Variants in ITGBL1 observed in about 807,000 individuals in gnomAD.
ITGBL1 encodes the protein integrin beta-like protein 1.
A neutral mutation model predicts 68.5 loss-of-function variants in ITGBL1; 51 were observed. The ratio of observed to expected loss-of-function variants is 0.74; its 90% CI spans 0.59 to 0.94. The LOEUF (loss-of-function observed/expected upper bound fraction) is 0.94. Among genes scored for constraint, ITGBL1 ranks in the 40% least tolerant of loss-of-function variants. The pLI, the probability that ITGBL1 is intolerant of heterozygous loss-of-function variation, is 0.00. For missense variants in ITGBL1, 649 were observed against 647.4 expected, an observed-to-expected ratio of 1.00 and a Z score of -0.03; for synonymous variants, 209 against 227.3, an observed-to-expected ratio of 0.92 and a Z score of 0.72.
rs565637547 is a variant in ITGBL1, at chr13:101,495,594, G to T, written c.316+41494G>T. 7.4e-4 allele frequency among the ~76,000 whole-genome samples: 110 copies of T among 148,610 alleles called. 1 individual carries two copies. Among genetic ancestry groups the T allele is most frequent in the South Asian group, 1.9e-3 (9 of 4,692 alleles). On this transcript the variant is annotated intron_variant, in intron 2 of 10. Coordinates refer to ENST00000376180, the MANE Select transcript of ITGBL1 (RefSeq NM_004791.3). The stretch of plus-strand genomic sequence containing the variant: ...CTGGGTCCCCACACTTTTTTTTTTT[G>T]TACAAAGAGGTAACTAGCAAAAGGG...
At position 101,677,944 on chromosome 13, in the gene ITGBL1, G is replaced by T. The variant is rs562806387; in HGVS notation, c.1016-14641G>T. On this transcript the variant is annotated intron_variant, in intron 7 of 10. Coordinates refer to ENST00000376180, the MANE Select transcript of ITGBL1 (RefSeq NM_004791.3). ...TGCTAAAAACTGTTTTCCAAAATTG[G>T]ATATAAAATGTGTGAGTAGGTGTAT... 2.0e-5 allele frequency among the ~76,000 whole-genome samples: 3 copies of T among 152,242 alleles called. No individual in the cohort carries two copies. The South Asian group carries it at 6.2e-4, about 32-fold the overall frequency.
intron 2 of ITGBL1, among the ~76,000 whole-genome samples, chr13:101,487,633 TAC>T (rs1002357942): frequency 1.3e-5 from 2 of 152,230 alleles, no homozygotes; most frequent in Non-Finnish European, 2.9e-5. Flanking sequence ...GTTTCTGCAA[TAC>T]AGTTTCCTAA....
intron 2 of ITGBL1, among the ~76,000 whole-genome samples, chr13:101,521,751 CA>C (rs1280377173): frequency 5.3e-5 from 8 of 152,176 alleles, no homozygotes; most frequent in Non-Finnish European, 1.2e-4. Flanking sequence ...TATCCATTTA[CA>C]ATCCGCACAA....
chr13:101,533,495 T>C (rs1258935269), intron 2 of ITGBL1, among the ~76,000 whole-genome samples: 1 of 152,254 alleles, frequency 6.6e-6, no homozygotes, highest in Non-Finnish European at 1.5e-5. Context: ...TTTCCACAAA[T>C]GCACTTGATG....
intron 7 of ITGBL1, among the ~76,000 whole-genome samples, chr13:101,616,999 G>C (rs895694529): frequency 1.1e-4 from 17 of 152,118 alleles, no homozygotes; most frequent in African/African-American, 4.1e-4. Flanking sequence ...TTGTGCAGAA[G>C]GAGTCCATAG....
chr13:101,545,136 G>T (rs1287869326), intron 2 of ITGBL1, among the ~76,000 whole-genome samples: 1 of 152,210 alleles, frequency 6.6e-6, no homozygotes, highest in Non-Finnish European at 1.5e-5. Context: ...CCCATCTTCT[G>T]CGTCGCTCAC....
chr13:101,660,431 G>A (rs1330242533), intron 7 of ITGBL1, among the ~76,000 whole-genome samples: 1 of 152,116 alleles, frequency 6.6e-6, no homozygotes, highest in East Asian at 1.9e-4. Context: ...GCAAAATCCT[G>A]AAAAGACATC....
intron 2 of ITGBL1, among the ~76,000 whole-genome samples, chr13:101,520,907 A>G (rs2049274137): frequency 6.6e-6 from 1 of 152,188 alleles, no homozygotes; most frequent in African/African-American, 2.4e-5. Context: ...AGTGGTAATG[A>G]GTCACAAGCA....
At chr13:101,489,905 C>A in intron 2 of ITGBL1, 2 of 1,181,182 alleles carry the variant, frequency 1.7e-6, no homozygotes, top group Non-Finnish European at 2.4e-6. Flanking sequence ...GTTAGTGTGA[C>A]GGTTGCTAGC....
At chr13:101,553,471 T>A (rs573143059) in intron 2 of ITGBL1, among the ~76,000 whole-genome samples, 16 of 152,304 alleles carry the variant, frequency 1.1e-4, no homozygotes, top group African/African-American at 3.6e-4. Context: ...TACCTTCATT[T>A]TCCTACAATT....
intron 2 of ITGBL1, among the ~76,000 whole-genome samples, chr13:101,552,638 T>C (rs2049939808): frequency 6.6e-6 from 1 of 152,196 alleles, no homozygotes; most frequent in Non-Finnish European, 1.5e-5. Flanking sequence ...CAGCTTACAG[T>C]GGAGGTTCCC....
intron 2 of ITGBL1, among the ~76,000 whole-genome samples, chr13:101,461,713 A>G (rs1352522109): frequency 1.3e-5 from 2 of 152,082 alleles, no homozygotes; most frequent in African/African-American, 4.8e-5. Flanking sequence ...AAAATAAAAA[A>G]TTCCCTGGGA....
intron 2 of ITGBL1, among the ~76,000 whole-genome samples, chr13:101,468,360 G>A (rs2048411892): frequency 6.6e-6 from 1 of 152,182 alleles, no homozygotes; most frequent in Non-Finnish European, 1.5e-5. Flanking sequence ...ATACAAATGA[G>A]TAAGAGTAGT....
chr13:101,626,060 G>T (rs1284799077), intron 7 of ITGBL1, among the ~76,000 whole-genome samples: 1 of 152,156 alleles, frequency 6.6e-6, no homozygotes, highest in Non-Finnish European at 1.5e-5. Context: ...GAGTTGATGG[G>T]CCTCTTAACC....
chr13:101,564,744 G>A (rs1057033865), intron 2 of ITGBL1, among the ~76,000 whole-genome samples: 13 of 150,416 alleles, frequency 8.6e-5, no homozygotes, highest in Non-Finnish European at 1.6e-4. Flanking sequence ...ATATATGTAT[G>A]TGTATATGTA....
intron 2 of ITGBL1, among the ~76,000 whole-genome samples, chr13:101,539,537 G>A (rs989872122): frequency 6.6e-6 from 1 of 151,972 alleles, no homozygotes; most frequent in Non-Finnish European, 1.5e-5. Context: ...TTTATAGCAG[G>A]ATGATTTATA....
intron 7 of ITGBL1, among the ~76,000 whole-genome samples, chr13:101,636,966 C>A (rs2032189461): frequency 6.6e-6 from 1 of 152,038 alleles, no homozygotes; most frequent in African/African-American, 2.4e-5. Flanking sequence ...ATATCACATC[C>A]ACTTAATTCT....
chr13:101,646,840 G>A (rs1218819182), intron 7 of ITGBL1, among the ~76,000 whole-genome samples: 1 of 152,108 alleles, frequency 6.6e-6, no homozygotes, highest in Non-Finnish European at 1.5e-5. Context: ...GATGTCATAT[G>A]TAAAATAAGT....
At chr13:101,483,998 G>T (rs899602829) in intron 2 of ITGBL1, among the ~76,000 whole-genome samples, 2 of 151,848 alleles carry the variant, frequency 1.3e-5, no homozygotes, top group African/African-American at 4.8e-5. Flanking sequence ...GAGGCTCTGT[G>T]GAACTTCGTC....
Sources: gnomAD v4.1 joint callset for allele counts (sites outside exome capture counted in the v4.1 genomes callset) on GRCh38, gnomAD v4.1.1 for gene constraint, MANE v1.5 for transcripts, NCBI Gene and HGNC (gene_info 2026-07-23, HGNC 2026-07-21) for gene names.